Variants in PHLPP1 observed in about 807,000 individuals in gnomAD.
PHLPP1 encodes the protein PH domain leucine-rich repeat-containing protein phosphatase 1.
PHLPP1 carries 42 observed loss-of-function variants against 117.2 expected under a neutral mutation model. The observed-to-expected ratio is 0.36, with a 90% CI of 0.28 to 0.46. PHLPP1 has a LOEUF of 0.46. PHLPP1 is among the 20% of genes least tolerant of loss of function. The pLI is 1.00. For missense variants in PHLPP1, 2,084 were observed against 2,241.9 expected (o/e 0.93, Z 1.42); for synonymous variants, 1,042 against 970.7 (o/e 1.07, Z -1.37).
intron 2 of PHLPP1, chr18:62,838,565 G>C (rs1401458714): frequency 1.3e-5 from 6 of 444,910 alleles, no homozygotes; most frequent in South Asian, 4.6e-5. Context: ...ATTTCACTGT[G>C]GTGGGGAAAT....
rs80200853 is a variant in PHLPP1 at position 62,756,242 on chromosome 18, C to T, written c.1576+38983C>T. On this transcript the variant is annotated intron_variant, in intron 1 of 16. Coordinates refer to ENST00000262719, the MANE Select transcript of PHLPP1 (RefSeq NM_194449.4). ...CCAGGCTGATGGAGTAAACACTATC[C>T]GGAATGCTGCTGGCTACCAAAGGGA... Among the ~76,000 whole-genome samples, 318 of 152,208 alleles carry T rather than the reference C, an allele frequency of 2.1e-3. 1 individual carries two copies. The highest frequency in any genetic ancestry group is 7.2e-3 in the African/African-American group (298 of 41,506).
chr18:62,957,119 T>A (rs1049963613), intron 12 of PHLPP1, among the ~76,000 whole-genome samples: 2 of 152,190 alleles, frequency 1.3e-5, no homozygotes, highest in East Asian at 1.9e-4. Flanking sequence ...GATAATTGAA[T>A]GCTCTCCACC....
rs568513861 is a variant in PHLPP1 at position 62,759,277 on chromosome 18, G to GA, written c.1576+42022dup. Among the ~76,000 whole-genome samples, 108 of 152,192 alleles carry GA rather than the reference G, an allele frequency of 7.1e-4. 1 individual carries two copies. In the Middle Eastern group the frequency reaches 0.01, roughly 14 times the overall value. ...TGTCTTGCAACCTCAAAAAGTTTGGGAAAATGTTTAAAAAATGTAATCATT... is the reference window on the plus strand; with the variant it reads ...TGTCTTGCAACCTCAAAAAGTTTGGGAAAAATGTTTAAAAAATGTAATCATT... On this transcript the variant is annotated intron_variant, in intron 1 of 16. Transcript: ENST00000262719.
intron 1 of PHLPP1, among the ~76,000 whole-genome samples, chr18:62,784,433 G>A (rs943513304): frequency 5.3e-5 from 8 of 151,926 alleles, no homozygotes; most frequent in African/African-American, 1.2e-4. Flanking sequence ...ATAGAAGTTG[G>A]TGTACTATAA....
At chr18:62,886,768 A>G (rs558847429) in intron 4 of PHLPP1, among the ~76,000 whole-genome samples, 2 of 152,224 alleles carry the variant, frequency 1.3e-5, no homozygotes, top group Non-Finnish European at 2.9e-5. Flanking sequence ...AGTGATGCTC[A>G]TTGCTGTTTG....
chr18:62,867,907 A>G (rs1915806825), intron 4 of PHLPP1, among the ~76,000 whole-genome samples: 1 of 151,552 alleles, frequency 6.6e-6, no homozygotes, highest in Admixed American at 6.6e-5. Flanking sequence ...CGCCTCCCAG[A>G]TTCACGCCAT....
chr18:62,735,229 T>G (rs957211694), intron 1 of PHLPP1, among the ~76,000 whole-genome samples: 1 of 151,910 alleles, frequency 6.6e-6, no homozygotes, highest in African/African-American at 2.4e-5. Context: ...TTTTTGTATT[T>G]TTGTAATCTG....
chr18:62,874,657 G>GCGCGCACACA (rs1402811825), intron 4 of PHLPP1, among the ~76,000 whole-genome samples: 1 of 147,624 alleles, frequency 6.8e-6, no homozygotes. Flanking sequence ...ACGCACGCGC[G>GCGCGCACACA]CACACACACA....
rs986872492 is a variant in PHLPP1 at position 62,927,918 on chromosome 18, CTTA to C, written c.2960+7809_2960+7811del. Among the ~76,000 whole-genome samples the C allele has an allele frequency of 5.0e-3, 757 of 152,044 alleles. 12 individuals carry two copies. Among genetic ancestry groups the C allele is most frequent in the African/African-American group, 0.017 (716 of 41,474 alleles). ...AAACCCAGAATGTTCCATTTTAAAA[CTTA>C]TTATATTAAAACTATTAGATTTTGA... On this transcript the variant is annotated intron_variant, in intron 10 of 16. Transcript: ENST00000262719.
At chr18:62,864,490 C>T (rs1915721583) in intron 4 of PHLPP1, among the ~76,000 whole-genome samples, 1 of 152,138 alleles carries the variant, frequency 6.6e-6, no homozygotes, top group African/African-American at 2.4e-5. Context: ...GTAGGTCTGG[C>T]GAGGGCCATT....
At chr18:62,834,602 G>A (rs531182543) in intron 2 of PHLPP1, among the ~76,000 whole-genome samples, 1 of 152,122 alleles carries the variant, frequency 6.6e-6, no homozygotes, top group African/African-American at 2.4e-5. Context: ...GTTTTTCAGG[G>A]TCGATGTACC....
intron 14 of PHLPP1, among the ~76,000 whole-genome samples, chr18:62,968,059 G>A (rs1404377609): frequency 6.6e-6 from 1 of 152,284 alleles, no homozygotes; most frequent in African/African-American, 2.4e-5. Context: ...CTGACCTCAA[G>A]TGATCTGCCC....
chr18:62,912,366 T>A (rs1375264278), intron 8 of PHLPP1, among the ~76,000 whole-genome samples: 2 of 149,162 alleles, frequency 1.3e-5, no homozygotes, highest in African/African-American at 2.4e-5. Context: ...AATTTTTTTT[T>A]ATTATAAATA....
intron 1 of PHLPP1, among the ~76,000 whole-genome samples, chr18:62,731,693 C>T (rs1911231012): frequency 6.6e-6 from 1 of 152,202 alleles, no homozygotes; most frequent in South Asian, 2.1e-4. Flanking sequence ...AGCTAGTTCT[C>T]CTGTGCCACA....
Position 62,860,487 on chromosome 18 carries a change from A to G in PHLPP1, c.1952A>G (p.His651Arg), listed in dbSNP as rs1915605600. The change falls in exon 4 of 17, where the codon CAT (histidine) becomes CGT (arginine). Residue 651 changes from histidine to arginine, a missense_variant. Coordinates refer to ENST00000262719, the MANE Select transcript of PHLPP1 (RefSeq NM_194449.4). ...GACCTCTCGTGTTGTAGCCTGGAAC[A>G]TCTGCCTGCCAACCTCTTCTACAGC... Reference protein sequence around the residue: ...SVDLSCCSLEHLPANLFYSQD... With the variant: ...SVDLSCCSLERLPANLFYSQD... 1 of 1,613,866 alleles carries G rather than the reference A, an allele frequency of 6.2e-7. No individual in the cohort carries two copies. Among genetic ancestry groups the G allele is most frequent in the Admixed American group, 1.7e-5 (1 of 59,998 alleles).
intron 9 of PHLPP1, 102 bp from the exon 10 acceptor site, chr18:62,919,857 G>T: frequency 1.3e-6 from 1 of 771,334 alleles, no homozygotes. Flanking sequence ...ATATTAAAAT[G>T]AATTTGTAGT....
At chr18:62,717,308 C>T in intron 1 of PHLPP1, 49 bp downstream of exon 1, 4 of 1,521,246 alleles carry the variant, frequency 2.6e-6, no homozygotes, top group Non-Finnish European at 3.5e-6. Context: ...CTGCCGAGGA[C>T]CGAGGAGTGA....
intron 1 of PHLPP1, among the ~76,000 whole-genome samples, chr18:62,800,866 T>C (rs1913757014): frequency 6.6e-6 from 1 of 152,136 alleles, no homozygotes; most frequent in Middle Eastern, 3.4e-3. Flanking sequence ...GGGGTAAGAA[T>C]CTCTTGTCAC....
intron 10 of PHLPP1, among the ~76,000 whole-genome samples, chr18:62,920,582 C>T (rs575580603): frequency 6.6e-6 from 1 of 152,292 alleles, no homozygotes; most frequent in Non-Finnish European, 1.5e-5. Flanking sequence ...TCTTTTGAGA[C>T]AGAGTCGCAC....
Sources: allele counts gnomAD v4.1 joint callset (sites outside exome capture counted in the v4.1 genomes callset), GRCh38; gene constraint gnomAD v4.1.1; transcripts MANE v1.5; gene names NCBI Gene and HGNC (gene_info 2026-07-23, HGNC 2026-07-21).